SPATA9: variants seen among roughly 807,000 people sequenced by gnomAD.
SPATA9 encodes spermatogenesis associated 9.
SPATA9 carries 27 observed loss-of-function variants against 25.5 expected under a neutral mutation model. The observed-to-expected ratio is 1.06, with a 90% CI of 0.78 to 1.46. The LOEUF (loss-of-function observed/expected upper bound fraction) is 1.46. SPATA9 is among the 40% of genes most tolerant of loss of function. The probability of loss-of-function intolerance (pLI) is 0.00; values close to 1 mark genes in which losing one functional copy is unlikely to be tolerated. For synonymous variants in SPATA9, 102 were observed against 105.7 expected (o/e 0.97, Z 0.21); for missense variants, 282 against 297.5 (o/e 0.95, Z 0.38).
chr5:95,676,313 C>T (rs1441269370), intron 2 of SPATA9, among the ~76,000 whole-genome samples: 10 of 152,004 alleles, frequency 6.6e-5, no homozygotes, highest in East Asian at 5.8e-4. Flanking sequence ...TACATGAATA[C>T]GTCCTTTTGT....
At chr5:95,687,856 G>A (rs886634318), upstream of SPATA9, among the ~76,000 whole-genome samples, 5 of 152,166 alleles carry the variant, frequency 3.3e-5, no homozygotes, top group South Asian at 6.2e-4. Context: ...TGTTTTGTTC[G>A]AGGGTGTATT....
upstream of SPATA9, among the ~76,000 whole-genome samples, chr5:95,686,411 G>A: frequency 6.6e-6 from 1 of 151,570 alleles, no homozygotes; most frequent in Non-Finnish European, 1.5e-5. Flanking sequence ...AAGGAATCTA[G>A]TAGTAAAAAG....
chr5:95,653,130 TC>T, exon 9 of SPATA9: 1 of 1,551,720 alleles, frequency 6.4e-7, no homozygotes, highest in Non-Finnish European at 8.7e-7. Flanking sequence ...GGAATTCTCT[TC>T]CCCAAGCTGT....
At chr5:95,708,388 A>T in the SPATA9 span, among the ~76,000 whole-genome samples, 6 of 152,126 alleles carry the variant, frequency 3.9e-5, no homozygotes, top group African/African-American at 1.4e-4. Context: ...GACATGCCAT[A>T]ATATTATTGA....
At chr5:95,658,964 C>T in intron 4 of SPATA9, 51 bp from the exon 5 acceptor site, 1 of 1,534,654 alleles carries the variant, frequency 6.5e-7, no homozygotes, top group Non-Finnish European at 8.7e-7. Context: ...AAGCTACTAA[C>T]CACAGATTAA....
intron 2 of SPATA9, among the ~76,000 whole-genome samples, chr5:95,680,010 G>A (rs1753297820): frequency 6.6e-6 from 1 of 152,216 alleles, no homozygotes; most frequent in Admixed American, 6.5e-5. Flanking sequence ...CCATTCTCCT[G>A]CCTCAGCCTC....
the SPATA9 span, among the ~76,000 whole-genome samples, chr5:95,718,417 C>A: frequency 0.032 from 4,803 of 152,234 alleles, 109 homozygotes; most frequent in South Asian, 0.046. Flanking sequence ...AAGTAAAGAA[C>A]GGATGTGGCT....
chr5:95,703,628 C>T (rs1030581117), upstream of SPATA9, among the ~76,000 whole-genome samples: 1 of 150,280 alleles, frequency 6.7e-6, no homozygotes, highest in Non-Finnish European at 1.5e-5. Flanking sequence ...GAGTGAGAGC[C>T]CATCTCAAAA....
chr5:95,705,625 A>G, the SPATA9 span, among the ~76,000 whole-genome samples: 5 of 152,210 alleles, frequency 3.3e-5, no homozygotes, highest in African/African-American at 1.2e-4. Context: ...AAGAAAATGA[A>G]TTGAGTATTT....
chr5:95,710,784 C>T, the SPATA9 span, among the ~76,000 whole-genome samples: 1 of 152,176 alleles, frequency 6.6e-6, no homozygotes, highest in Admixed American at 6.5e-5. Context: ...TTTTGTTTGT[C>T]CTTTGAATGC....
intron 1 of SPATA9, among the ~76,000 whole-genome samples, chr5:95,696,602 C>T (rs143851509): frequency 8.9e-4 from 136 of 152,332 alleles, no homozygotes; most frequent in Non-Finnish European, 1.1e-3. Context: ...GATGCCTTGG[C>T]ACGGTGGCTC....
chr5:95,680,957 A>G (rs1381228284), intron 2 of SPATA9, among the ~76,000 whole-genome samples: 1 of 152,078 alleles, frequency 6.6e-6, no homozygotes, highest in Admixed American at 6.6e-5. Context: ...TTTACACATT[A>G]TCTCTCATCC....
intron 4 of SPATA9, 118 bp from the exon 5 acceptor site, chr5:95,659,031 A>C (rs1750999391): frequency 1.5e-6 from 2 of 1,324,088 alleles, no homozygotes; most frequent in South Asian, 1.6e-5. Context: ...TCTAATAAAA[A>C]ACACTTCTTT....
At chr5:95,672,426 G>A (rs778994597) in intron 3 of SPATA9, among the ~76,000 whole-genome samples, 1 of 150,840 alleles carries the variant, frequency 6.6e-6, no homozygotes, top group Non-Finnish European at 1.5e-5. Context: ...TTCTCTAGAG[G>A]GACAGTTTCA....
At chr5:95,675,684 T>C in intron 2 of SPATA9, 45 bp from the exon 3 acceptor site, 1 of 1,546,540 alleles carries the variant, frequency 6.5e-7, no homozygotes, top group African/African-American at 1.4e-5. Context: ...TAATCTCCAG[T>C]GCATTATTAA....
At chr5:95,655,887 C>T (rs910704485), downstream of SPATA9, 49 of 620,838 alleles carry the variant, frequency 7.9e-5, no homozygotes, top group Non-Finnish European at 9.8e-5. Flanking sequence ...TGACTCTTCT[C>T]AGATTAGGAT....
intron 3 of SPATA9, among the ~76,000 whole-genome samples, chr5:95,664,574 G>C (rs1289608926): frequency 6.6e-6 from 1 of 152,194 alleles, no homozygotes; most frequent in Non-Finnish European, 1.5e-5. Context: ...ATGAAACACA[G>C]AGAAGTTTAA....
chr5:95,710,525 CG>C, the SPATA9 span, among the ~76,000 whole-genome samples: 1 of 152,150 alleles, frequency 6.6e-6, no homozygotes, highest in Admixed American at 6.5e-5. Context: ...CCAGAGGCCA[CG>C]GGATCCAGTC....
chr5:95,705,882 G>A, the SPATA9 span, among the ~76,000 whole-genome samples: 4 of 152,246 alleles, frequency 2.6e-5, no homozygotes, highest in South Asian at 8.3e-4. Flanking sequence ...TTATTACTCA[G>A]AAACCTTCCC....
Sources: allele counts gnomAD v4.1 joint callset (sites outside exome capture counted in the v4.1 genomes callset), GRCh38; gene constraint gnomAD v4.1.1; transcripts MANE v1.5; gene names NCBI Gene and HGNC (gene_info 2026-07-23, HGNC 2026-07-21).